PLCG2: variants seen among roughly 807,000 people sequenced by gnomAD.
PLCG2 encodes 1-phosphatidylinositol 4,5-bisphosphate phosphodiesterase gamma-2.
In PLCG2, 69 loss-of-function variants were observed where a neutral mutation model predicts 175.6. That is an observed-to-expected ratio of 0.39 (90% CI 0.32 to 0.48). The LOEUF (loss-of-function observed/expected upper bound fraction) is 0.48, where lower values mean the gene tolerates loss of function less well. PLCG2 is among the 20% of genes least tolerant of loss of function. The pLI is 0.91. For missense variants in PLCG2, 1,798 were observed against 1,650.9 expected (o/e 1.09, Z -1.54); for synonymous variants, 827 against 624.0 (o/e 1.33, Z -4.85).
At chr16:81,859,641 T>G (rs544903110) in intron 5 of PLCG2, among the ~76,000 whole-genome samples, 1 of 152,132 alleles carries the variant, frequency 6.6e-6, no homozygotes, top group Non-Finnish European at 1.5e-5. Context: ...TTCATGCCAT[T>G]CTCCTGCCTC....
At chr16:81,851,429 G>A (rs1345042263) in intron 2 of PLCG2, among the ~76,000 whole-genome samples, 1 of 152,162 alleles carries the variant, frequency 6.6e-6, no homozygotes. Context: ...CTTGTCACGT[G>A]TAGGTGGGTA....
intron 21 of PLCG2, among the ~76,000 whole-genome samples, chr16:81,922,316 A>G (rs138507881): frequency 3.2e-4 from 48 of 152,324 alleles, no homozygotes; most frequent in African/African-American, 1.1e-3. Flanking sequence ...GATGTGGGGC[A>G]AATTACTTTC....
At chr16:81,956,940 G>A (rs1911595506) in intron 32 of PLCG2, 61 bp downstream of exon 32, 2 of 1,402,648 alleles carry the variant, frequency 1.4e-6, no homozygotes, top group African/African-American at 2.8e-5. Flanking sequence ...GTGATGATGG[G>A]CACCACGGGC....
intron 2 of PLCG2, among the ~76,000 whole-genome samples, chr16:81,786,674 AG>A (rs1910987114): frequency 6.6e-6 from 1 of 152,210 alleles, no homozygotes; most frequent in South Asian, 2.1e-4. Flanking sequence ...TTTCAAATGC[AG>A]GTCTGGTCTT....
At position 81,961,449 on chromosome 16, in the gene PLCG2, A is replaced by T. The variant is rs1378324940; in HGVS notation, c.*3451A>T. The T allele has an allele frequency of 8.9e-6, 2 of 225,568 alleles. No homozygotes were observed. Among genetic ancestry groups the T allele is most frequent in the Non-Finnish European group, 1.8e-5 (2 of 113,438 alleles). 14.0% of individuals were successfully genotyped at this position (225,568 alleles called of 1,614,324 possible). A position where few individuals can be genotyped will look rare whatever the true frequency, so the allele number is the denominator to read the frequency against. On this transcript the variant is annotated 3_prime_UTR_variant, in exon 33 of 33. Coordinates refer to ENST00000564138, the MANE Select transcript of PLCG2 (RefSeq NM_002661.5). ...GGCTATGTGTTTATTGATTCAGCTC[A>T]ATCCAGAGGAAAATTTTAAAGGCTT...
intron 10 of PLCG2, among the ~76,000 whole-genome samples, chr16:81,889,866 G>C (rs1908549509): frequency 6.6e-6 from 1 of 152,130 alleles, no homozygotes; most frequent in Admixed American, 6.5e-5. Flanking sequence ...ATGTTGGCCA[G>C]GCTGGTGTCG....
At chr16:81,940,459 G>GC (rs1555522913) in intron 30 of PLCG2, among the ~76,000 whole-genome samples, 10 of 151,770 alleles carry the variant, frequency 6.6e-5, no homozygotes, top group African/African-American at 2.4e-4. Flanking sequence ...TGGCATCTTG[G>GC]GGGGGGAGTA....
At chr16:81,863,621 T>C (rs188809334) in intron 5 of PLCG2, among the ~76,000 whole-genome samples, 1 of 152,360 alleles carries the variant, frequency 6.6e-6, no homozygotes, top group East Asian at 1.9e-4. Flanking sequence ...AGAAGCTGAA[T>C]TGCTGGATTT....
chr16:81,824,716 C>G (rs148500949), intron 2 of PLCG2, among the ~76,000 whole-genome samples: 9 of 152,324 alleles, frequency 5.9e-5, no homozygotes, highest in Non-Finnish European at 1.3e-4. Flanking sequence ...GACCTCTGGC[C>G]TTTTTGTCCT....
chr16:81,822,953 G>T (rs569713271), intron 2 of PLCG2, among the ~76,000 whole-genome samples: 11 of 152,292 alleles, frequency 7.2e-5, no homozygotes, highest in African/African-American at 2.2e-4. Context: ...CCTCCAGAAG[G>T]AGCCAGTGCT....
chr16:81,741,330 C>T (rs1021972300), intron 1 of PLCG2, among the ~76,000 whole-genome samples: 5 of 152,222 alleles, frequency 3.3e-5, no homozygotes, highest in African/African-American at 7.2e-5. Flanking sequence ...TTCAAGCTCA[C>T]ACAGCCAGGA....
chr16:81,869,287 G>C lies in PLCG2; in HGVS notation c.553G>C (p.Asp185His). The C allele has an allele frequency of 6.2e-7, 1 of 1,612,246 alleles. No individual in the cohort carries two copies. ...AGTGAGCAGTGCCAAGTTCCTTAAAGATAAGTTTGTGGTAAGTTTCATGGC... is the reference window on the plus strand; with the variant it reads ...AGTGAGCAGTGCCAAGTTCCTTAAACATAAGTTTGTGGTAAGTTTCATGGC... ...FKVSSAKFLK[D>H]KFVEIGAHKD... The change falls in exon 6 of 33, where the codon GAT becomes CAT. Residue 185 changes from aspartate (D) to histidine (H), a missense_variant. Asp to His is a moderately conservative substitution (Grantham distance 81). Transcript: ENST00000564138.
At chr16:81,765,275 CA>C (rs60300535) in intron 2 of PLCG2, among the ~76,000 whole-genome samples, 1,967 of 151,914 alleles carry the variant, frequency 0.013, 39 homozygotes, top group African/African-American at 0.045. Context: ...AAAAGATTCC[CA>C]GCAACCACCC....
chr16:81,785,273 A>T (rs1910918614), intron 1 of PLCG2, among the ~76,000 whole-genome samples: 1 of 152,116 alleles, frequency 6.6e-6, no homozygotes, highest in Non-Finnish European at 1.5e-5. Flanking sequence ...TTGCTGGGGC[A>T]TTTCTGAACA....
intron 1 of PLCG2, among the ~76,000 whole-genome samples, chr16:81,780,754 C>T (rs754518480): frequency 7.9e-5 from 12 of 152,156 alleles, no homozygotes; most frequent in Non-Finnish European, 1.6e-4. Context: ...TGGTCAGGCA[C>T]GGTGGCTCAC....
chr16:81,916,102 GC>G (rs1382747735), intron 19 of PLCG2, among the ~76,000 whole-genome samples: 4 of 152,048 alleles, frequency 2.6e-5, no homozygotes, highest in African/African-American at 9.7e-5. Flanking sequence ...ACATTCTGCA[GC>G]TTTTCTACTC....
At chr16:81,876,650 G>A (rs764805868) in intron 7 of PLCG2, among the ~76,000 whole-genome samples, 7 of 152,186 alleles carry the variant, frequency 4.6e-5, no homozygotes, top group Non-Finnish European at 7.3e-5. Flanking sequence ...GTAAATGTGT[G>A]CGTGACCCAA....
intron 3 of PLCG2, among the ~76,000 whole-genome samples, chr16:81,856,228 A>G (rs1906674734): frequency 6.6e-6 from 1 of 152,292 alleles, no homozygotes; most frequent in South Asian, 2.1e-4. Flanking sequence ...AGTCTCTGCC[A>G]TGGGTGTACG....
intron 13 of PLCG2, among the ~76,000 whole-genome samples, chr16:81,898,913 A>C (rs951735097): frequency 6.6e-6 from 1 of 152,188 alleles, no homozygotes; most frequent in Non-Finnish European, 1.5e-5. Context: ...GGCTGGGCAC[A>C]GTGGCTCACG....
Sources: gnomAD v4.1 joint callset for allele counts (sites outside exome capture counted in the v4.1 genomes callset) on GRCh38, gnomAD v4.1.1 for gene constraint, MANE v1.5 for transcripts, NCBI Gene and HGNC (gene_info 2026-07-23, HGNC 2026-07-21) for gene names.